The following MED4 variants were observed in gnomAD, a reference collection of about 807,000 sequenced individuals.
The protein encoded by MED4 is mediator complex subunit 4.
In MED4, 21 loss-of-function variants were observed where a neutral mutation model predicts 35.0. The observed-to-expected ratio is 0.60, with a 90% CI of 0.43 to 0.86. The LOEUF (loss-of-function observed/expected upper bound fraction) is 0.86. MED4 is among the 40% of genes least tolerant of loss of function. The pLI is 0.00. For missense variants in MED4, 300 were observed against 319.4 expected, an observed-to-expected ratio of 0.94 and a Z score of 0.46; for synonymous variants, 138 against 114.0, an observed-to-expected ratio of 1.21 and a Z score of -1.34.
Position 48,081,703 on chromosome 13 carries a change from C to T in MED4, c.450G>A (p.Lys150=). The T allele has an allele frequency of 6.2e-7, 1 of 1,611,336 alleles. No homozygotes were observed. The highest frequency in any genetic ancestry group is 8.5e-7 in the Non-Finnish European group (1 of 1,178,944). The change falls in exon 5 of 7, where the codon AAG becomes AAA. Residue 150 remains lysine (K), a synonymous_variant. Transcript: ENST00000258648. ...KGAISSEEII[K]YAHRISASNA... is the part of the protein sequence containing the mutation. ...TACTTGCACTGATCCTATGTGCATA[C>T]TTAATTATTTCTTCAGAGGAGATAG...
chr13:48,081,812 C>A, intron 4 of MED4, 81 bp from the exon 5 acceptor site: 3 of 735,802 alleles, frequency 4.1e-6, no homozygotes, highest in East Asian at 3.2e-5. Flanking sequence ...AGTTACACAT[C>A]GTATTTAATT....
At chr13:48,090,318 G>C in intron 2 of MED4, 34 bp downstream of exon 2, 2 of 1,463,528 alleles carry the variant, frequency 1.4e-6, no homozygotes, top group Non-Finnish European at 1.8e-6. Context: ...AAAAAACAAA[G>C]AGAAATTAAC....
At position 48,086,579 on chromosome 13, in the gene MED4, T is replaced by C. The variant is rs1222174588; in HGVS notation, c.193-127A>G. The C allele has an allele frequency of 5.2e-6, 4 of 764,558 alleles. No individual in the cohort carries two copies. The South Asian group carries it at 7.5e-5, about 14-fold the overall frequency. 47.4% of individuals were successfully genotyped at this position (764,558 alleles called of 1,614,324 possible). On this transcript the variant is annotated intron_variant, in intron 2 of 6. Coordinates refer to ENST00000258648, the MANE Select transcript of MED4 (RefSeq NM_014166.4). ...AACACCTTCAAAATTTTATTCCTAA[T>C]TCTTGTTAAGAATAAAAAGAGCCTA... is the stretch of plus-strand genomic sequence containing the variant.
Position 48,077,238 on chromosome 13 carries a change from A to G in MED4, c.714T>C (p.Ser238=). 1 of 1,598,142 alleles carries G rather than the reference A, an allele frequency of 6.3e-7. No individual in the cohort carries two copies. The highest frequency in any genetic ancestry group is 1.1e-5 in the South Asian group (1 of 88,170). The change falls in exon 7 of 7, where the codon AGT becomes AGC. Residue 238 remains serine, a synonymous_variant. Coordinates refer to ENST00000258648, the MANE Select transcript of MED4 (RefSeq NM_014166.4). ...SMNMLPPNHS[S]DFLLEPPGHN... is the part of the protein sequence containing the mutation. ...GCCCAGGAGGTTCCAACAAAAAGTCACTACTATGATTTGGTGGTAACATAT... is the reference window on the plus strand; with the variant it reads ...GCCCAGGAGGTTCCAACAAAAAGTCGCTACTATGATTTGGTGGTAACATAT...
At chr13:48,081,912 G>A (rs1181248995) in intron 4 of MED4, among the ~76,000 whole-genome samples, 181 bp from the exon 5 acceptor site, 2 of 152,078 alleles carry the variant, frequency 1.3e-5, no homozygotes, top group African/African-American at 4.8e-5. Flanking sequence ...TCCAAAAACA[G>A]GACACTAATC....
intron 1 of MED4, among the ~76,000 whole-genome samples, chr13:48,094,393 T>A (rs1950911050): frequency 6.6e-6 from 1 of 152,108 alleles, no homozygotes; most frequent in Non-Finnish European, 1.5e-5. Context: ...CACACAACCA[T>A]CCTAAACAAC....
At chr13:48,077,388 C>T (rs1296592196) in intron 6 of MED4, 77 bp from the exon 7 acceptor site, 59 of 1,179,022 alleles carry the variant, frequency 5.0e-5, no homozygotes, top group Non-Finnish European at 6.1e-5. Context: ...CTTTATGCAA[C>T]AATTTGAAGT....
intron 1 of MED4, chr13:48,093,528 G>C: frequency 2.3e-6 from 1 of 436,734 alleles, no homozygotes; most frequent in South Asian, 1.7e-5. Flanking sequence ...ACAGATCACA[G>C]AATCAGTACA....
In MED4 at chr13:48,094,743, TATC is replaced by T. The variant is rs559504491; in HGVS notation, c.125+208_125+210del. Among the ~76,000 whole-genome samples the T allele has an allele frequency of 3.0e-3, 456 of 151,912 alleles. 1 individual carries two copies. The highest frequency in any genetic ancestry group is 8.3e-3 in the South Asian group (40 of 4,792). ...AAGAGGCTCAGACCGCGCGAGTTCT[TATC>T]ATTACTAAAATTCCCTCTAACGGGA... On this transcript the variant is annotated intron_variant, in intron 1 of 6. Coordinates refer to ENST00000258648, the MANE Select transcript of MED4 (RefSeq NM_014166.4).
Position 48,077,390 on chromosome 13 carries a change from A to G in MED4, c.641-79T>C, listed in dbSNP as rs1340151530. 2.6e-6 allele frequency: 3 copies of G among 1,164,598 alleles called. No homozygotes were observed. The African/African-American group carries it at 4.9e-5, about 19-fold the overall frequency. 72.1% of individuals were successfully genotyped at this position (1,164,598 alleles called of 1,614,324 possible). On this transcript the variant is annotated intron_variant, in intron 6 of 6. Coordinates refer to ENST00000258648, the MANE Select transcript of MED4 (RefSeq NM_014166.4). ...TTCTTACTTTTCCCTTTATGCAACA[A>G]TTTGAAGTATTTTTTTTAATTTTAC... is the stretch of plus-strand genomic sequence containing the variant.
In MED4 at chr13:48,085,060, G is replaced by A. The variant is rs143971247; in HGVS notation, c.363+1222C>T. Reference sequence around the variant, plus strand: ...TTTTTTTGTATTTTTAGTAGAGATGGATTTCACCATGTTGACTAGGCTAGT... The same window carrying A: ...TTTTTTTGTATTTTTAGTAGAGATGAATTTCACCATGTTGACTAGGCTAGT... On this transcript the variant is annotated intron_variant, in intron 3 of 6. Transcript: ENST00000258648. Among the ~76,000 whole-genome samples the A allele has an allele frequency of 4.8e-3, 731 of 151,728 alleles. 3 individuals carry two copies. Among genetic ancestry groups the A allele is most frequent in the African/African-American group, 0.017 (685 of 41,312 alleles).
chr13:48,080,741 C>CTTTT, intron 5 of MED4, among the ~76,000 whole-genome samples: 1 of 146,690 alleles, frequency 6.8e-6, no homozygotes, highest in African/African-American at 2.5e-5. Flanking sequence ...AATTTAAAAT[C>CTTTT]TTTTTTTTTT....
intron 1 of MED4, among the ~76,000 whole-genome samples, chr13:48,092,422 T>C (rs1471744665): frequency 6.6e-6 from 1 of 152,220 alleles, no homozygotes; most frequent in Non-Finnish European, 1.5e-5. Flanking sequence ...TAGTGTTTCA[T>C]TCTAAATGCA....
intron 1 of MED4, among the ~76,000 whole-genome samples, chr13:48,091,638 C>G (rs1950890729): frequency 6.6e-6 from 1 of 152,180 alleles, no homozygotes; most frequent in Non-Finnish European, 1.5e-5. Flanking sequence ...TTCACTAATT[C>G]ATCAAATATT....
chr13:48,085,068 C>T (rs1051029679), intron 3 of MED4, among the ~76,000 whole-genome samples: 8 of 151,650 alleles, frequency 5.3e-5, no homozygotes, highest in Non-Finnish European at 1.2e-4. Context: ...TGGATTTCAC[C>T]ATGTTGACTA....
chr13:48,081,014 T>C (rs1009151912), intron 5 of MED4, among the ~76,000 whole-genome samples: 3 of 152,236 alleles, frequency 2.0e-5, no homozygotes, highest in African/African-American at 4.8e-5. Context: ...CCCAAAATTA[T>C]AGTCACCCTT....
intron 1 of MED4, chr13:48,093,807 A>G (rs1255546603): frequency 1.1e-5 from 2 of 181,700 alleles, no homozygotes; most frequent in African/African-American, 4.7e-5. Flanking sequence ...ACTTGGTAGC[A>G]ATACGATGGC....
Position 48,077,297 on chromosome 13 carries a change from G to T in MED4, c.655C>A (p.Gln219Lys). ...ATGTCATTTGACTGCCATGGATACT[G>T]TGGAGCAAGGACATCTGGAGAAAAA... ...AGRLPDVLAPQYPWQSNDMSM... is the reference protein window; with the variant it reads ...AGRLPDVLAPKYPWQSNDMSM... Residue 219 changes from glutamine to lysine, a missense_variant, in exon 7 of 7, where the codon CAG becomes AAG. Coordinates refer to ENST00000258648, the MANE Select transcript of MED4 (RefSeq NM_014166.4). The T allele has an allele frequency of 6.6e-7, 1 of 1,504,988 alleles. No homozygotes were observed. The highest frequency in any genetic ancestry group is 8.8e-7 in the Non-Finnish European group (1 of 1,132,162). The allele number at this position is 1,504,988 out of a possible 1,614,324, so 93.2% of individuals were successfully genotyped here.
chr13:48,078,900 T>A (rs962407805), intron 6 of MED4, among the ~76,000 whole-genome samples: 1 of 151,992 alleles, frequency 6.6e-6, no homozygotes, highest in Non-Finnish European at 1.5e-5. Context: ...AAGCAAAAAA[T>A]GTATAGGGGA....
Sources: gnomAD v4.1 joint callset for allele counts (sites outside exome capture counted in the v4.1 genomes callset) on GRCh38, gnomAD v4.1.1 for gene constraint, MANE v1.5 for transcripts, NCBI Gene and HGNC (gene_info 2026-07-23, HGNC 2026-07-21) for gene names.